KCNT1: variants seen among roughly 807,000 people sequenced by gnomAD.
The protein encoded by KCNT1 is potassium sodium-activated channel subfamily T member 1.
KCNT1 carries 78 observed loss-of-function variants against 147.8 expected under a neutral mutation model. The observed-to-expected ratio is 0.53, with a 90% CI of 0.44 to 0.64. The LOEUF (loss-of-function observed/expected upper bound fraction) is 0.64. Ranked by LOEUF, KCNT1 falls within the 30% of genes least tolerant of loss-of-function variation. The pLI is 0.00. For missense variants in KCNT1, 1,419 were observed against 1,750.3 expected (o/e 0.81, Z 3.38); for synonymous variants, 867 against 748.8 (o/e 1.16, Z -2.58).
chr9:135,793,150 A>G lies in KCNT1; in HGVS notation c.*989A>G, dbSNP rs879375267. ...TGCATTCTGGAGGCATGAAGTTACA[A>G]GTCAAGTCGCCCTGCTCGTGTTTCC... On this transcript the variant is annotated 3_prime_UTR_variant, in exon 31 of 31. Transcript: ENST00000371757. 2.0e-5 allele frequency: 3 copies of G among 152,166 alleles called. No homozygotes were observed. Among genetic ancestry groups the G allele is most frequent in the Admixed American group, 2.0e-4 (3 of 15,284 alleles). The allele number at this position is 152,166 out of a possible 1,614,324, so 9.4% of individuals were successfully genotyped here.
chr9:135,746,132 C>G (rs1023934351), intron 2 of KCNT1, among the ~76,000 whole-genome samples: 1 of 152,176 alleles, frequency 6.6e-6, no homozygotes, highest in African/African-American at 2.4e-5. Flanking sequence ...GAGAAGTGGG[C>G]GGCCACAGTT....
intron 24 of KCNT1, among the ~76,000 whole-genome samples, chr9:135,780,472 A>AG (rs1833530072): frequency 6.6e-6 from 1 of 152,196 alleles, no homozygotes. Flanking sequence ...GGAGAGTGAA[A>AG]GTGTGTTCCG....
chr9:135,758,724 G>A (rs942532053), intron 10 of KCNT1, among the ~76,000 whole-genome samples: 14 of 152,168 alleles, frequency 9.2e-5, no homozygotes, highest in Non-Finnish European at 1.6e-4. Flanking sequence ...CCTGCAGCCC[G>A]ACTCCTCCAA....
rs141793832 is a variant in KCNT1 at position 135,765,263 on chromosome 9, A to G, written c.1200+68A>G. On this transcript the variant is annotated intron_variant, in intron 12 of 30. Coordinates refer to ENST00000371757, the MANE Select transcript of KCNT1 (RefSeq NM_020822.3). The stretch of plus-strand genomic sequence containing the variant: ...CCCCTAGAGACGCCATCCTCTCCCC[A>G]GGACTGCTTGGCAAGTCCCTGAGTC... 26,526 of 1,465,754 alleles carry G rather than the reference A, an allele frequency of 0.018. 389 individuals carry two copies. The highest frequency in any genetic ancestry group is 0.069 in the Middle Eastern group (383 of 5,582). 90.8% of individuals were successfully genotyped at this position (1,465,754 alleles called of 1,614,324 possible). A position where few individuals can be genotyped will look rare whatever the true frequency, so the allele number is the denominator to read the frequency against.
In KCNT1 at chr9:135,772,942, G is replaced by A. The variant is rs559344618; in HGVS notation, c.2236G>A (p.Val746Met). The change falls in exon 19 of 31, where the codon GTG (valine) becomes ATG (methionine). Residue 746 changes from valine to methionine, a missense_variant. Physicochemically the swap from Val to Met is conservative, Grantham distance 21. Around this residue, in one of 5 missense-constraint regions of KCNT1, gnomAD observed 284 missense variants for 292.8 expected, o/e 0.97. Transcript: ENST00000371757. ...VTPSDDEGLS[V>M]VEYVKGYPPN... Reference sequence around the variant, plus strand: ...GCCGTCGGACGACGAGGGGCTCTCCGTGGTAGAGTGAGTGCTGCCTTGGAG... The same window carrying A: ...GCCGTCGGACGACGAGGGGCTCTCCATGGTAGAGTGAGTGCTGCCTTGGAG... 105 of 1,488,298 alleles carry A rather than the reference G, an allele frequency of 7.1e-5. No homozygotes were observed. The Admixed American group carries it at 1.8e-3, about 25-fold the overall frequency. The allele number at this position is 1,488,298 out of a possible 1,614,324, so 92.2% of individuals were successfully genotyped here.
At chr9:135,713,803 C>T (rs1293020161) in intron 1 of KCNT1, among the ~76,000 whole-genome samples, 3 of 152,206 alleles carry the variant, frequency 2.0e-5, no homozygotes, top group Non-Finnish European at 4.4e-5. Context: ...AGATGCAAGA[C>T]CCCTGGAAGA....
chr9:135,707,595 T>G (rs1440599703), intron 1 of KCNT1, among the ~76,000 whole-genome samples: 1 of 152,032 alleles, frequency 6.6e-6, no homozygotes, highest in East Asian at 1.9e-4. Flanking sequence ...GACCCTGAGA[T>G]GGACTTGCCA....
chr9:135,728,114 G>A (rs1241475402), intron 2 of KCNT1, among the ~76,000 whole-genome samples: 1 of 152,214 alleles, frequency 6.6e-6, no homozygotes, highest in African/African-American at 2.4e-5. Context: ...GCAGAGACTG[G>A]AGTGATGTGG....
intron 13 of KCNT1, among the ~76,000 whole-genome samples, chr9:135,767,198 T>C (rs1405339838): frequency 6.6e-6 from 1 of 152,144 alleles, no homozygotes; most frequent in Non-Finnish European, 1.5e-5. Context: ...ACCCATTGCC[T>C]ATGGAACGCC....
chr9:135,756,181 A>T (rs1045543473), intron 6 of KCNT1, among the ~76,000 whole-genome samples: 1 of 152,054 alleles, frequency 6.6e-6, no homozygotes, highest in Non-Finnish European at 1.5e-5. Context: ...ACTCAGGCTC[A>T]GTAAGCAGGG....
intron 1 of KCNT1, among the ~76,000 whole-genome samples, chr9:135,712,059 G>A (rs1239645887): frequency 6.6e-6 from 1 of 152,224 alleles, no homozygotes; most frequent in Non-Finnish European, 1.5e-5. Context: ...ATGCCAGCGG[G>A]ACTCTTGCCA....
In KCNT1 at chr9:135,730,990, T is replaced by TGAAAAAAAAAAA. The variant is rs1554766004; in HGVS notation, c.254+16270_254+16271insGAAAAAAAAAAA. ...AACAAAGTGAGATCCCGTCTCAAGG[T>TGAAAAAAAAAAA]AAAAAAAAAAAAAAAAAAAAAAAGT... On this transcript the variant is annotated intron_variant, in intron 2 of 30. Coordinates refer to ENST00000371757, the MANE Select transcript of KCNT1 (RefSeq NM_020822.3). The surrounding 1 kb of genome is among the most constrained non-coding windows in gnomAD (Gnocchi z 4.7). Among the ~76,000 whole-genome samples the TGAAAAAAAAAAA allele has an allele frequency of 4.7e-5, 4 of 85,590 alleles. No homozygotes were observed. The highest frequency in any genetic ancestry group is 4.5e-5 in the African/African-American group (1 of 22,074). 56.2% of individuals were successfully genotyped at this position (85,590 alleles called of 152,430 possible).
intron 2 of KCNT1, among the ~76,000 whole-genome samples, chr9:135,749,317 C>T (rs1831016757): frequency 6.6e-6 from 1 of 152,212 alleles, no homozygotes; most frequent in Non-Finnish European, 1.5e-5. Context: ...CCCACCTCAC[C>T]CCACCTGCCA....
intron 2 of KCNT1, among the ~76,000 whole-genome samples, chr9:135,737,438 G>T (rs1480626494): frequency 1.3e-5 from 2 of 152,172 alleles, no homozygotes; most frequent in Non-Finnish European, 2.9e-5. Flanking sequence ...TTCCTAGCCA[G>T]CACCTTTCCC....
intron 2 of KCNT1, among the ~76,000 whole-genome samples, chr9:135,735,626 G>A (rs897338251): frequency 1.7e-4 from 26 of 152,112 alleles, no homozygotes; most frequent in African/African-American, 6.3e-4. Flanking sequence ...CCTGGAGTTG[G>A]TGCTGTCAGG....
At chr9:135,773,154 C>T (rs1463492382) in intron 19 of KCNT1, among the ~76,000 whole-genome samples, 1 of 152,220 alleles carries the variant, frequency 6.6e-6, no homozygotes, top group Non-Finnish European at 1.5e-5. Flanking sequence ...CGCCGGGGAG[C>T]ACTTTTGAGT....
chr9:135,753,659 G>A lies in KCNT1; in HGVS notation c.435-278G>A, dbSNP rs573036379. On this transcript the variant is annotated intron_variant, in intron 4 of 30. Transcript: ENST00000371757. ...TTGGGTTGGGGCTACCCCCAATCCC[G>A]CAGATGTGGGATGTACCCTCGCTGT... The A allele has an allele frequency of 2.0e-4, 109 of 535,466 alleles. 1 individual carries two copies. Among genetic ancestry groups the A allele is most frequent in the African/African-American group, 8.7e-4 (46 of 52,806 alleles). 33.2% of individuals were successfully genotyped at this position (535,466 alleles called of 1,614,324 possible).
At chr9:135,710,447 A>G (rs538510350) in intron 1 of KCNT1, among the ~76,000 whole-genome samples, 20 of 152,322 alleles carry the variant, frequency 1.3e-4, no homozygotes, top group African/African-American at 4.3e-4. Context: ...TTCTCCATCA[A>G]CACAATGGGA....
At chr9:135,759,995 G>A (rs770307276) in intron 11 of KCNT1, 136 bp downstream of exon 11, 37 of 808,132 alleles carry the variant, frequency 4.6e-5, no homozygotes, top group Non-Finnish European at 6.8e-5. Context: ...CAGGCGGGTG[G>A]TGCCTGCTCC....
Sources: allele counts gnomAD v4.1 joint callset (sites outside exome capture counted in the v4.1 genomes callset), GRCh38; gene constraint gnomAD v4.1.1; regional missense constraint gnomAD v4.1.1; non-coding constraint Gnocchi (gnomAD v3.1); transcripts MANE v1.5; gene names NCBI Gene and HGNC (gene_info 2026-07-23, HGNC 2026-07-21).